PRKG1: variants seen among roughly 807,000 people sequenced by gnomAD.
PRKG1 encodes protein kinase cGMP-dependent 1.
A neutral mutation model predicts 88.1 loss-of-function variants in PRKG1; 35 were observed. The ratio of observed to expected loss-of-function variants is 0.40; its 90% CI spans 0.30 to 0.53. The LOEUF is 0.53. Ranked by LOEUF, PRKG1 falls within the 20% of genes least tolerant of loss-of-function variation. The pLI is 0.59. For synonymous variants in PRKG1, 303 were observed against 292.5 expected (o/e 1.04, Z -0.37); for missense variants, 540 against 839.8 (o/e 0.64, Z 4.41).
At chr10:51,181,006 T>G (rs1837326692) in intron 2 of PRKG1, among the ~76,000 whole-genome samples, 1 of 152,084 alleles carries the variant, frequency 6.6e-6, no homozygotes, top group Non-Finnish European at 1.5e-5. Context: ...TTTTAACATC[T>G]TAATCTTATT....
chr10:51,292,096 T>G (rs999140402), intron 2 of PRKG1, among the ~76,000 whole-genome samples: 2 of 152,158 alleles, frequency 1.3e-5, no homozygotes, highest in Non-Finnish European at 2.9e-5. Context: ...CTGTTTTGAA[T>G]TATCTGCCAT....
At position 52,057,516 on chromosome 10, in the gene PRKG1, A is replaced by G. The variant is rs1039867891; in HGVS notation, c.840+2955A>G. Among the ~76,000 whole-genome samples, 3 of 152,340 alleles carry G rather than the reference A, an allele frequency of 2.0e-5. No individual in the cohort carries two copies. The East Asian group carries it at 5.8e-4, about 29-fold the overall frequency. On this transcript the variant is annotated intron_variant, in intron 6 of 17. Coordinates refer to ENST00000373980, the MANE Select transcript of PRKG1 (RefSeq NM_006258.4). ...TATGTCCCTGCAGTTGTGTCACATC[A>G]TAAAATGAACTATCTCTTTATAAAT... is the stretch of plus-strand genomic sequence containing the variant.
chr10:51,741,982 A>T (rs1488239622), intron 3 of PRKG1, among the ~76,000 whole-genome samples: 1 of 152,192 alleles, frequency 6.6e-6, no homozygotes, highest in Non-Finnish European at 1.5e-5. Context: ...CTAAAGTTAT[A>T]AGTAGACTGG....
intron 2 of PRKG1, among the ~76,000 whole-genome samples, chr10:51,389,478 C>T (rs942184685): frequency 6.6e-6 from 1 of 152,106 alleles, no homozygotes; most frequent in African/African-American, 2.4e-5. Context: ...TCACCCCTAA[C>T]ATGCCGCCAC....
At chr10:51,716,070 C>T (rs746464112) in intron 3 of PRKG1, among the ~76,000 whole-genome samples, 6 of 152,182 alleles carry the variant, frequency 3.9e-5, no homozygotes, top group South Asian at 2.1e-4. Context: ...TGCTTTGCAG[C>T]GTGATGGTCC....
chr10:51,876,027 A>G (rs1841291189), intron 4 of PRKG1, among the ~76,000 whole-genome samples: 1 of 151,142 alleles, frequency 6.6e-6, no homozygotes, highest in South Asian at 2.1e-4. Context: ...GGCTTAGAAC[A>G]TGGGATTTGT....
intron 1 of PRKG1, among the ~76,000 whole-genome samples, chr10:51,046,788 T>C (rs1843494487): frequency 6.6e-6 from 1 of 152,226 alleles, no homozygotes; most frequent in South Asian, 2.1e-4. Flanking sequence ...ATGGAGTCTT[T>C]GCAGAATGCT....
At chr10:52,024,345 T>G (rs527366123) in intron 5 of PRKG1, among the ~76,000 whole-genome samples, 1 of 152,138 alleles carries the variant, frequency 6.6e-6, no homozygotes, top group Non-Finnish European at 1.5e-5. Flanking sequence ...TTTTTATTAT[T>G]ATACTTTAAG....
intron 2 of PRKG1, among the ~76,000 whole-genome samples, chr10:51,357,906 C>A (rs577826387): frequency 1.3e-5 from 2 of 151,882 alleles, no homozygotes; most frequent in East Asian, 3.9e-4. Context: ...TTGGTAAATG[C>A]TAAGTTTTCA....
chr10:51,922,439 T>C lies in PRKG1; in HGVS notation c.762+14869T>C, dbSNP rs549758343. ...TATAAATTCTTTTCTAATGCTTATG[T>C]TGGATGTAATTTGATCTTATTTTTC... On this transcript the variant is annotated intron_variant, in intron 5 of 17. Coordinates refer to ENST00000373980, the MANE Select transcript of PRKG1 (RefSeq NM_006258.4). Among the ~76,000 whole-genome samples the C allele has an allele frequency of 7.2e-5, 11 of 151,954 alleles. No individual in the cohort carries two copies. In the South Asian group the frequency reaches 2.1e-3, roughly 29 times the overall value.
intron 9 of PRKG1, among the ~76,000 whole-genome samples, chr10:52,172,055 G>T (rs1194213945): frequency 6.6e-6 from 1 of 151,860 alleles, no homozygotes; most frequent in Non-Finnish European, 1.5e-5. Flanking sequence ...ACCCGCCTCG[G>T]CCTCCCAAAG....
chr10:51,365,766 T>C (rs2132596328), intron 2 of PRKG1, among the ~76,000 whole-genome samples: 1 of 152,060 alleles, frequency 6.6e-6, no homozygotes, highest in Non-Finnish European at 1.5e-5. Context: ...GGGATATTCC[T>C]TAGTATCTCT....
At chr10:51,133,348 ACT>A (rs1231981100) in intron 1 of PRKG1, among the ~76,000 whole-genome samples, 2 of 152,126 alleles carry the variant, frequency 1.3e-5, no homozygotes, top group African/African-American at 4.8e-5. Flanking sequence ...TGCCTGATCC[ACT>A]GCTCTTACAA....
At position 52,271,302 on chromosome 10, in the gene PRKG1, C is replaced by G. The variant is rs147531410; in HGVS notation, c.1174-48C>G. On this transcript the variant is annotated intron_variant, in intron 10 of 17. Transcript: ENST00000373980. ...GTTAATTTGGGGATAATAATGCACT[C>G]TTACAAGTCTATGGGCTTTTTCTTA... The G allele has an allele frequency of 1.2e-3, 1,856 of 1,586,852 alleles. 2 individuals carry two copies. The highest frequency in any genetic ancestry group is 3.0e-3 in the Admixed American group (176 of 58,820).
intron 2 of PRKG1, among the ~76,000 whole-genome samples, chr10:51,338,833 ACT>A (rs1491148561): frequency 6.6e-6 from 1 of 152,220 alleles, no homozygotes; most frequent in Non-Finnish European, 1.5e-5. Context: ...TTTTGTTCCT[ACT>A]TTTTTGTCAA....
chr10:51,359,570 A>G (rs1842435700), intron 2 of PRKG1, among the ~76,000 whole-genome samples: 1 of 152,058 alleles, frequency 6.6e-6, no homozygotes, highest in South Asian at 2.1e-4. Flanking sequence ...AAAGAAAAAT[A>G]GGCCTCATTT....
At chr10:51,001,514 C>T (rs1842889298) in intron 1 of PRKG1, among the ~76,000 whole-genome samples, 1 of 152,082 alleles carries the variant, frequency 6.6e-6, no homozygotes, top group Non-Finnish European at 1.5e-5. Context: ...CAAATTAAAA[C>T]TATGTGTTTT....
chr10:51,831,764 T>G (rs1201074009), intron 4 of PRKG1, among the ~76,000 whole-genome samples: 7 of 152,134 alleles, frequency 4.6e-5, no homozygotes, highest in Non-Finnish European at 7.4e-5. Flanking sequence ...AAAAGAGGCT[T>G]TCTGAGAACT....
chr10:51,129,805 C>A (rs1845519324), intron 1 of PRKG1, among the ~76,000 whole-genome samples: 1 of 152,180 alleles, frequency 6.6e-6, no homozygotes, highest in South Asian at 2.1e-4. Flanking sequence ...GTGATGACTT[C>A]CCTAGCCCTG....
Sources: gnomAD v4.1 joint callset for allele counts (sites outside exome capture counted in the v4.1 genomes callset) on GRCh38, gnomAD v4.1.1 for gene constraint, MANE v1.5 for transcripts, NCBI Gene and HGNC (gene_info 2026-07-23, HGNC 2026-07-21) for gene names.